Variants in ADAMTSL1 observed in about 807,000 individuals in gnomAD.
ADAMTSL1 encodes the protein ADAMTS-like protein 1.
A neutral mutation model predicts 201.8 loss-of-function variants in ADAMTSL1; 126 were observed. The observed-to-expected ratio is 0.62, with a 90% CI of 0.54 to 0.72. The LOEUF (loss-of-function observed/expected upper bound fraction) is 0.72, where lower values mean the gene tolerates loss of function less well. ADAMTSL1 is among the 30% of genes least tolerant of loss of function. The pLI, the probability that ADAMTSL1 is intolerant of heterozygous loss-of-function variation, is 0.00. For missense variants in ADAMTSL1, 2,679 were observed against 2,277.8 expected, an observed-to-expected ratio of 1.18 and a Z score of -3.59; for synonymous variants, 1,121 against 903.4, an observed-to-expected ratio of 1.24 and a Z score of -4.32.
intron 2 of ADAMTSL1, among the ~76,000 whole-genome samples, chr9:18,257,328 C>A (rs116451515): frequency 0.017 from 2,558 of 152,190 alleles, 75 homozygotes; most frequent in African/African-American, 0.054. Flanking sequence ...GAATTCAAAA[C>A]AAAATCCAAC....
intron 2 of ADAMTSL1, among the ~76,000 whole-genome samples, chr9:18,456,463 G>C (rs1051198589): frequency 1.3e-5 from 2 of 152,170 alleles, no homozygotes; most frequent in African/African-American, 4.8e-5. Context: ...AGGCTGCCAA[G>C]GTTGTGAGCT....
intron 2 of ADAMTSL1, among the ~76,000 whole-genome samples, chr9:18,370,679 T>C (rs1837005045): frequency 6.6e-6 from 1 of 151,790 alleles, no homozygotes; most frequent in African/African-American, 2.4e-5. Context: ...ATAAGGTATG[T>C]TTGTAGAGCG....
At chr9:18,417,148 G>A (rs1389454405) in intron 2 of ADAMTSL1, among the ~76,000 whole-genome samples, 1 of 151,886 alleles carries the variant, frequency 6.6e-6, no homozygotes, top group Non-Finnish European at 1.5e-5. Flanking sequence ...ATTTAGAAAT[G>A]AAATAACCAT....
chr9:17,999,426 T>G (rs1309192243), intron 1 of ADAMTSL1, among the ~76,000 whole-genome samples: 4 of 152,018 alleles, frequency 2.6e-5, no homozygotes, highest in African/African-American at 7.2e-5. Flanking sequence ...AAGAGTAATT[T>G]TCCTAGTTAT....
At chr9:18,842,246 CT>C (rs1825768775) in intron 23 of ADAMTSL1, among the ~76,000 whole-genome samples, 1 of 151,982 alleles carries the variant, frequency 6.6e-6, no homozygotes, top group Non-Finnish European at 1.5e-5. Flanking sequence ...TGTCTTTGTT[CT>C]CGTTGGTTTC....
intron 2 of ADAMTSL1, among the ~76,000 whole-genome samples, chr9:18,319,935 A>G (rs1834554450): frequency 6.6e-6 from 1 of 152,142 alleles, no homozygotes; most frequent in Admixed American, 6.5e-5. Context: ...ATATGAGTAG[A>G]AGACAAAAGA....
In ADAMTSL1 at chr9:17,993,653, A is replaced by G. The variant is rs192403487; in HGVS notation, c.87+86731A>G. ...AGTTAACATTCCTTGCAGAAATTACACAGTTGTTATTAATGAGGCTAAGTT... is the reference window on the plus strand; with the variant it reads ...AGTTAACATTCCTTGCAGAAATTACGCAGTTGTTATTAATGAGGCTAAGTT... On this transcript the variant is annotated intron_variant, in intron 1 of 29. Transcript: ENST00000680146. 5.5e-3 allele frequency among the ~76,000 whole-genome samples: 834 copies of G among 152,266 alleles called. 6 individuals carry two copies. The highest frequency in any genetic ancestry group is 0.019 in the African/African-American group (774 of 41,572).
chr9:18,091,567 T>G (rs1268482407), intron 1 of ADAMTSL1, among the ~76,000 whole-genome samples: 5 of 152,172 alleles, frequency 3.3e-5, no homozygotes, highest in Non-Finnish European at 7.3e-5. Flanking sequence ...TCTAGGACAC[T>G]AAGACATTAG....
intron 1 of ADAMTSL1, among the ~76,000 whole-genome samples, chr9:17,956,115 A>G (rs938192721): frequency 1.3e-5 from 2 of 152,212 alleles, no homozygotes; most frequent in Non-Finnish European, 2.9e-5. Context: ...CCATGGAACT[A>G]ATATTATGCA....
chr9:18,707,128 C>T (rs985793438), intron 14 of ADAMTSL1, 80 bp downstream of exon 14: 33 of 1,496,398 alleles, frequency 2.2e-5, no homozygotes, highest in Non-Finnish European at 3.0e-5. Context: ...GATCATGTGA[C>T]TGCCTCAAAT....
At chr9:17,975,480 A>G (rs926538472) in intron 1 of ADAMTSL1, among the ~76,000 whole-genome samples, 2 of 152,002 alleles carry the variant, frequency 1.3e-5, no homozygotes, top group Non-Finnish European at 2.9e-5. Context: ...ACTCATCAAG[A>G]GCACTAATAC....
At chr9:18,055,918 G>A (rs151248772) in intron 1 of ADAMTSL1, among the ~76,000 whole-genome samples, 402 of 152,300 alleles carry the variant, frequency 2.6e-3, no homozygotes, top group African/African-American at 8.9e-3. Context: ...TTCAGGTTTA[G>A]TTTTTAAAGA....
rs1588089240 is a variant in ADAMTSL1, at chr9:18,776,935, C to A, written c.2706C>A (p.Arg902=). The part of the protein sequence containing the change: ...KTAVVLRCPA[R]RVRKPLITWE... ...CGGTGGTGCTGCGCTGCCCGGCGCGCAGGGTCCGCAAGCCCCTCATCACCT... is the reference window on the plus strand; with the variant it reads ...CGGTGGTGCTGCGCTGCCCGGCGCGAAGGGTCCGCAAGCCCCTCATCACCT... The change falls in exon 19 of 29, where the codon CGC becomes CGA. Residue 902 remains arginine (R), a synonymous_variant. Transcript: ENST00000380548. 1 of 1,602,044 alleles carries A rather than the reference C, an allele frequency of 6.2e-7. No individual in the cohort carries two copies. Among genetic ancestry groups the A allele is most frequent in the Non-Finnish European group, 8.5e-7 (1 of 1,174,588 alleles).
intron 23 of ADAMTSL1, among the ~76,000 whole-genome samples, chr9:18,841,423 G>A (rs1478941535): frequency 1.3e-5 from 2 of 152,124 alleles, no homozygotes; most frequent in East Asian, 3.8e-4. Flanking sequence ...TTGATGTGCT[G>A]CTGGATTCGG....
intron 20 of ADAMTSL1, chr9:18,796,678 G>A (rs1822446177): frequency 6.6e-6 from 1 of 152,178 alleles, no homozygotes; most frequent in Non-Finnish European, 1.5e-5. Flanking sequence ...AATGAAGAAG[G>A]CAATTTAAGG....
intron 4 of ADAMTSL1, among the ~76,000 whole-genome samples, chr9:18,583,513 TGA>T (rs1417627760): frequency 6.6e-6 from 1 of 152,174 alleles, no homozygotes; most frequent in Non-Finnish European, 1.5e-5. Flanking sequence ...AAGGGAAATG[TGA>T]GGTCGGAGCC....
chr9:18,837,117 C>G (rs1387277291), intron 23 of ADAMTSL1, among the ~76,000 whole-genome samples: 1 of 152,176 alleles, frequency 6.6e-6, no homozygotes, highest in Non-Finnish European at 1.5e-5. Flanking sequence ...CCTGATGGCT[C>G]TCACTAAGAC....
intron 2 of ADAMTSL1, among the ~76,000 whole-genome samples, chr9:18,441,920 T>C (rs7043305): frequency 0.26 from 39,545 of 152,186 alleles, 5,856 homozygotes; most frequent in Non-Finnish European, 0.33. Flanking sequence ...AGGCAAAATA[T>C]ATGTTGTAAT....
At chr9:18,146,549 T>C (rs1223114495) in intron 1 of ADAMTSL1, among the ~76,000 whole-genome samples, 1 of 152,128 alleles carries the variant, frequency 6.6e-6, no homozygotes, top group Non-Finnish European at 1.5e-5. Context: ...GCTAGAGGTT[T>C]TGAGGGAGGG....
Sources: allele counts gnomAD v4.1 joint callset (sites outside exome capture counted in the v4.1 genomes callset), GRCh38; gene constraint gnomAD v4.1.1; transcripts MANE v1.5; gene names NCBI Gene and HGNC (gene_info 2026-07-23, HGNC 2026-07-21).